CAMKMT: variants seen among roughly 807,000 people sequenced by gnomAD.
CAMKMT encodes calmodulin-lysine N-methyltransferase.
A neutral mutation model predicts 48.0 loss-of-function variants in CAMKMT; 53 were observed. The observed-to-expected ratio is 1.10, with a 90% CI of 0.89 to 1.39. CAMKMT has a LOEUF of 1.39. Ranked by LOEUF, CAMKMT falls within the 40% of genes most tolerant of loss-of-function variation. CAMKMT has a pLI of 0.00. For missense variants in CAMKMT, 428 were observed against 402.7 expected, an observed-to-expected ratio of 1.06 and a Z score of -0.54; for synonymous variants, 165 against 152.3, an observed-to-expected ratio of 1.08 and a Z score of -0.61.
At chr2:44,439,710 C>T (rs1406825693) in intron 3 of CAMKMT, among the ~76,000 whole-genome samples, 4 of 151,710 alleles carry the variant, frequency 2.6e-5, no homozygotes, top group African/African-American at 7.3e-5. Flanking sequence ...TCGTGGCGGG[C>T]GCCTGTAGTC....
At chr2:44,767,681 T>C (rs1340677555) in intron 10 of CAMKMT, among the ~76,000 whole-genome samples, 3 of 152,154 alleles carry the variant, frequency 2.0e-5, no homozygotes, top group African/African-American at 7.2e-5. Flanking sequence ...CAGGATGGTA[T>C]GTGATTCAGA....
At chr2:44,611,069 A>T (rs1671570309) in intron 3 of CAMKMT, among the ~76,000 whole-genome samples, 1 of 152,140 alleles carries the variant, frequency 6.6e-6, no homozygotes. Context: ...AGTATCTGAG[A>T]TTGGGTTTTC....
intron 3 of CAMKMT, among the ~76,000 whole-genome samples, chr2:44,597,839 C>A (rs1448868150): frequency 6.6e-6 from 1 of 152,092 alleles, no homozygotes; most frequent in Non-Finnish European, 1.5e-5. Flanking sequence ...CTGGTTCAAG[C>A]GATTCTCCTG....
chr2:44,458,463 C>T (rs533559974), intron 3 of CAMKMT, among the ~76,000 whole-genome samples: 10 of 152,304 alleles, frequency 6.6e-5, no homozygotes, highest in Admixed American at 6.5e-4. Flanking sequence ...TAAGTGAATA[C>T]TGTCTGGACA....
chr2:44,737,064 A>C (rs1287818854), intron 7 of CAMKMT, among the ~76,000 whole-genome samples: 1 of 151,966 alleles, frequency 6.6e-6, no homozygotes, highest in Non-Finnish European at 1.5e-5. Context: ...GGTATTTTGA[A>C]TTTTACTTCG....
chr2:44,483,403 A>C (rs1159593035), intron 3 of CAMKMT, among the ~76,000 whole-genome samples: 1 of 152,238 alleles, frequency 6.6e-6, no homozygotes, highest in East Asian at 1.9e-4. Context: ...TTTTAGTCTA[A>C]TGGACTTTAT....
intron 3 of CAMKMT, among the ~76,000 whole-genome samples, chr2:44,633,425 A>C (rs972549068): frequency 6.6e-6 from 1 of 152,168 alleles, no homozygotes; most frequent in African/African-American, 2.4e-5. Flanking sequence ...ATGTTATTCA[A>C]TATGTCACTG....
At chr2:44,449,338 AACTG>A (rs1667170508) in intron 3 of CAMKMT, among the ~76,000 whole-genome samples, 1 of 152,166 alleles carries the variant, frequency 6.6e-6, no homozygotes, top group South Asian at 2.1e-4. Context: ...ATGTTATTTC[AACTG>A]ACTATCTCTG....
rs1674187838 is a variant in CAMKMT at position 44,653,178 on chromosome 2, C to A, written c.377-51105C>A. Among the ~76,000 whole-genome samples, 1 of 152,104 alleles carries A rather than the reference C, an allele frequency of 6.6e-6. No homozygotes were observed. Among genetic ancestry groups the A allele is most frequent in the Non-Finnish European group, 1.5e-5 (1 of 68,032 alleles). Reference sequence around the variant, plus strand: ...AAGAGTCTTTTTTTATTATTTCTCACTTCACTAGCTCGTGAGCTCCTTTAA... The same window carrying A: ...AAGAGTCTTTTTTTATTATTTCTCAATTCACTAGCTCGTGAGCTCCTTTAA... On this transcript the variant is annotated intron_variant, in intron 3 of 10. Transcript: ENST00000378494. The surrounding 1 kb of genome is among the most constrained non-coding windows in gnomAD (Gnocchi z 5.2).
chr2:44,404,411 A>G (rs1682634674), intron 3 of CAMKMT, among the ~76,000 whole-genome samples: 1 of 152,026 alleles, frequency 6.6e-6, no homozygotes, highest in Admixed American at 6.6e-5. Flanking sequence ...TAAAATACAT[A>G]CGTGTTATTT....
At chr2:44,626,616 A>T (rs1672497479) in intron 3 of CAMKMT, among the ~76,000 whole-genome samples, 1 of 152,146 alleles carries the variant, frequency 6.6e-6, no homozygotes, top group Non-Finnish European at 1.5e-5. Flanking sequence ...CTGTATCCTC[A>T]CACGGTAGAA....
chr2:44,748,472 C>T (rs922025768), intron 8 of CAMKMT, among the ~76,000 whole-genome samples: 2 of 152,042 alleles, frequency 1.3e-5, no homozygotes, highest in African/African-American at 4.8e-5. Context: ...GCTTAAATGC[C>T]GCATGTCCCA....
In CAMKMT at chr2:44,766,432, G is replaced by T. The variant is rs1245808276; in HGVS notation, c.765G>T (p.Gly255=). Reference sequence around the variant, plus strand: ...GAATTTCCTTTTTACTGTTCTAGGGGAAAGCGATGGTATTTGCCCCACGCC... The same window carrying T: ...GAATTTCCTTTTTACTGTTCTAGGGTAAAGCGATGGTATTTGCCCCACGCC... ...DAIKRLLQPR[G]KAMVFAPRRG... The change falls in exon 10 of 11, where the codon GGG becomes GGT. Residue 255 remains glycine, a splice_region_variant and synonymous_variant. Transcript: ENST00000378494. 2 of 1,614,050 alleles carry T rather than the reference G, an allele frequency of 1.2e-6. No individual in the cohort carries two copies. The highest frequency in any genetic ancestry group is 4.5e-5 in the East Asian group (2 of 44,870).
At position 44,372,696 on chromosome 2, in the gene CAMKMT, T is replaced by A. The variant is rs781027302; in HGVS notation, c.139-20T>A. ...ATATGTTTAGATAACATGACTGCAA[T>A]ATTTGGCTTTATTTCAAAGGTTCTG... On this transcript the variant is annotated intron_variant, in intron 1 of 10. Coordinates refer to ENST00000378494, the MANE Select transcript of CAMKMT (RefSeq NM_024766.5). The A allele has an allele frequency of 9.4e-6, 15 of 1,603,832 alleles. No homozygotes were observed. Among genetic ancestry groups the A allele is most frequent in the Non-Finnish European group, 1.3e-5 (15 of 1,176,218 alleles).
chr2:44,433,495 G>T (rs1684771065), intron 3 of CAMKMT, among the ~76,000 whole-genome samples: 1 of 151,892 alleles, frequency 6.6e-6, no homozygotes, highest in Non-Finnish European at 1.5e-5. Flanking sequence ...TAGCCAGAAT[G>T]TTTCTTATAA....
intron 3 of CAMKMT, among the ~76,000 whole-genome samples, chr2:44,459,171 G>C (rs1045919498): frequency 6.6e-6 from 1 of 151,834 alleles, no homozygotes; most frequent in African/African-American, 2.4e-5. Flanking sequence ...TAAGCACTAT[G>C]TAAATTCATA....
At chr2:44,450,703 AAG>A (rs1272694871) in intron 3 of CAMKMT, among the ~76,000 whole-genome samples, 1 of 152,148 alleles carries the variant, frequency 6.6e-6, no homozygotes, top group Non-Finnish European at 1.5e-5. Context: ...TATTTGAAAA[AAG>A]AGGAATAAAA....
chr2:44,710,245 A>G (rs1677808594), intron 6 of CAMKMT, among the ~76,000 whole-genome samples: 2 of 152,024 alleles, frequency 1.3e-5, no homozygotes, highest in African/African-American at 2.4e-5. Flanking sequence ...GAGTTTATTT[A>G]TTATCTCCCT....
intron 2 of CAMKMT, among the ~76,000 whole-genome samples, chr2:44,376,924 C>A (rs978387840): frequency 6.6e-6 from 1 of 152,038 alleles, no homozygotes; most frequent in Non-Finnish European, 1.5e-5. Context: ...TTTCAAATTA[C>A]GTGTTGAGAG....
Sources: gnomAD v4.1 joint callset for allele counts (sites outside exome capture counted in the v4.1 genomes callset) on GRCh38, gnomAD v4.1.1 for gene constraint, Gnocchi (gnomAD v3.1) non-coding constraint, MANE v1.5 for transcripts, NCBI Gene and HGNC (gene_info 2026-07-23, HGNC 2026-07-21) for gene names.